Variants in ROBO1 observed in about 807,000 individuals in gnomAD.
The protein encoded by ROBO1 is roundabout homolog 1.
ROBO1 carries 149 observed loss-of-function variants against 195.9 expected under a neutral mutation model. The ratio of observed to expected loss-of-function variants is 0.76; its 90% CI spans 0.67 to 0.87. ROBO1 has a LOEUF of 0.87. ROBO1 is among the 40% of genes least tolerant of loss of function. The pLI, the probability that ROBO1 is intolerant of heterozygous loss-of-function variation, is 0.00. For synonymous variants in ROBO1, 816 were observed against 733.2 expected (o/e 1.11, Z -1.82); for missense variants, 1,933 against 2,068.3 (o/e 0.93, Z 1.27).
intron 4 of ROBO1, among the ~76,000 whole-genome samples, chr3:78,873,650 T>C (rs2035671595): frequency 6.6e-6 from 1 of 152,162 alleles, no homozygotes; most frequent in South Asian, 2.1e-4. Context: ...AAAGGAATAC[T>C]TCTTCAACAA....
intron 2 of ROBO1, among the ~76,000 whole-genome samples, chr3:79,403,864 T>C (rs567111429): frequency 6.6e-6 from 1 of 152,118 alleles, no homozygotes; most frequent in East Asian, 1.9e-4. Flanking sequence ...GAAACCATCA[T>C]GATGGTATCA....
intron 2 of ROBO1, among the ~76,000 whole-genome samples, chr3:79,481,150 G>T (rs564815710): frequency 2.0e-5 from 3 of 152,058 alleles, no homozygotes; most frequent in African/African-American, 7.2e-5. Context: ...TCTATAGAAA[G>T]AAATCGACTG....
intron 2 of ROBO1, among the ~76,000 whole-genome samples, chr3:79,244,616 C>A (rs910976196): frequency 7.2e-5 from 11 of 152,058 alleles, no homozygotes; most frequent in African/African-American, 2.4e-4. Context: ...GCTACACCCA[C>A]AGGCGGTACA....
intron 2 of ROBO1, among the ~76,000 whole-genome samples, chr3:79,237,772 TAAA>T (rs910158248): frequency 1.3e-5 from 2 of 151,358 alleles, no homozygotes; most frequent in African/African-American, 2.4e-5. Flanking sequence ...GATATAAAAA[TAAA>T]AAAAAATTTA....
intron 3 of ROBO1, among the ~76,000 whole-genome samples, chr3:79,063,202 C>T (rs542136331): frequency 6.6e-6 from 1 of 151,918 alleles, no homozygotes; most frequent in African/African-American, 2.4e-5. Context: ...AGTGGTAAGC[C>T]ATATTTGCCC....
intron 3 of ROBO1, among the ~76,000 whole-genome samples, chr3:79,011,657 TTTTATATATA>T (rs1370968183): frequency 7.4e-5 from 11 of 148,564 alleles, no homozygotes. Context: ...TTTCATAATG[TTTTATATATA>T]TTTATATATA....
chr3:78,899,461 C>T (rs2037452388), intron 4 of ROBO1, among the ~76,000 whole-genome samples: 1 of 152,154 alleles, frequency 6.6e-6, no homozygotes, highest in African/African-American at 2.4e-5. Context: ...GGTTATGCCA[C>T]ACTTGAGGTA....
chr3:79,684,525 G>A (rs1947042335), intron 1 of ROBO1, among the ~76,000 whole-genome samples: 1 of 151,872 alleles, frequency 6.6e-6, no homozygotes, highest in Non-Finnish European at 1.5e-5. Flanking sequence ...TAAAGTATTT[G>A]CGCAGTAAGT....
At chr3:79,308,229 T>C (rs1436743064) in intron 2 of ROBO1, among the ~76,000 whole-genome samples, 2 of 152,138 alleles carry the variant, frequency 1.3e-5, no homozygotes, top group South Asian at 2.1e-4. Flanking sequence ...TTGTTTGCAA[T>C]GTAAAGAGCA....
chr3:79,252,899 A>G (rs533337559), intron 2 of ROBO1, among the ~76,000 whole-genome samples: 1 of 152,252 alleles, frequency 6.6e-6, no homozygotes, highest in East Asian at 1.9e-4. Flanking sequence ...TCAAGGAGAT[A>G]GATGTCTTGC....
chr3:78,840,552 C>T (rs112050837), intron 4 of ROBO1, among the ~76,000 whole-genome samples: 390 of 152,158 alleles, frequency 2.6e-3, no homozygotes, highest in African/African-American at 8.6e-3. Flanking sequence ...GGCAAGAGGT[C>T]GCATTTGCAA....
At chr3:78,607,082 G>T in intron 28 of ROBO1, 41 bp from the exon 29 acceptor site, 1 of 1,539,836 alleles carries the variant, frequency 6.5e-7, no homozygotes, top group Non-Finnish European at 8.8e-7. Flanking sequence ...AAAGTCTGCT[G>T]CTTATAAAAT....
At chr3:78,686,486 C>T (rs941133234) in intron 9 of ROBO1, among the ~76,000 whole-genome samples, 1 of 150,252 alleles carries the variant, frequency 6.7e-6, no homozygotes, top group Non-Finnish European at 1.5e-5. Flanking sequence ...ACCCGGGAGG[C>T]GGAGCTTGCA....
chr3:79,003,553 T>A (rs533055830), intron 3 of ROBO1, among the ~76,000 whole-genome samples: 17 of 152,076 alleles, frequency 1.1e-4, no homozygotes, highest in Admixed American at 3.3e-4. Context: ...AGTAACCCCA[T>A]CAAGTAGATA....
At chr3:79,513,664 AT>A (rs1462181835) in intron 2 of ROBO1, among the ~76,000 whole-genome samples, 1 of 151,422 alleles carries the variant, frequency 6.6e-6, no homozygotes, top group Non-Finnish European at 1.5e-5. Flanking sequence ...AAGAGCCAGC[AT>A]TTACATTGAA....
At chr3:79,005,891 A>C (rs2077608224) in intron 3 of ROBO1, among the ~76,000 whole-genome samples, 1 of 152,308 alleles carries the variant, frequency 6.6e-6, no homozygotes, top group African/African-American at 2.4e-5. Context: ...AAAACAAATA[A>C]GGGAAACTAG....
intron 4 of ROBO1, among the ~76,000 whole-genome samples, chr3:78,834,403 C>A (rs2032512716): frequency 6.7e-6 from 1 of 149,912 alleles, no homozygotes; most frequent in African/African-American, 2.5e-5. Flanking sequence ...GAAAGAATAA[C>A]TTGATGGTGC....
chr3:78,802,715 AT>A lies in ROBO1; in HGVS notation c.500-55816del, dbSNP rs2084406482. ...AAGGAGCCTGCGGTCTAGCATCATC[AT>A]CATCATCATCATCATCATCATCATC... On this transcript the variant is annotated intron_variant, in intron 4 of 30. Coordinates refer to ENST00000464233, the MANE Select transcript of ROBO1 (RefSeq NM_002941.4). Among the ~76,000 whole-genome samples the A allele has an allele frequency of 2.9e-5, 4 of 138,496 alleles. No individual in the cohort carries two copies. The South Asian group carries it at 6.6e-4, about 23-fold the overall frequency. 90.9% of individuals were successfully genotyped at this position (138,496 alleles called of 152,430 possible).
intron 2 of ROBO1, among the ~76,000 whole-genome samples, chr3:79,439,315 C>T (rs886741032): frequency 2.0e-5 from 3 of 152,046 alleles, no homozygotes; most frequent in Non-Finnish European, 2.9e-5. Context: ...TCTTTTCCCT[C>T]AATTTTAGGG....
Sources: allele counts gnomAD v4.1 joint callset (sites outside exome capture counted in the v4.1 genomes callset), GRCh38; gene constraint gnomAD v4.1.1; transcripts MANE v1.5; gene names NCBI Gene and HGNC (gene_info 2026-07-23, HGNC 2026-07-21).